RFLNA: variants seen among roughly 807,000 people sequenced by gnomAD.
The protein encoded by RFLNA is refilin-A.
RFLNA carries 5 observed loss-of-function variants against 7.8 expected under a neutral mutation model. That is an observed-to-expected ratio of 0.64 (90% CI 0.34 to 1.35). The LOEUF (loss-of-function observed/expected upper bound fraction) is 1.35. RFLNA is among the 40% of genes most tolerant of loss of function. RFLNA has a pLI of 0.04. For synonymous variants in RFLNA, 141 were observed against 131.3 expected (o/e 1.07, Z -0.50); for missense variants, 278 against 305.5 (o/e 0.91, Z 0.67).
intron 1 of RFLNA, among the ~76,000 whole-genome samples, chr12:124,297,604 G>A: frequency 6.6e-6 from 1 of 152,186 alleles, no homozygotes; most frequent in East Asian, 1.9e-4. Context: ...GCTGTGCTGG[G>A]CTAGACCCAG....
At chr12:124,302,918 A>G (rs903227547) in intron 1 of RFLNA, among the ~76,000 whole-genome samples, 2 of 149,528 alleles carry the variant, frequency 1.3e-5, no homozygotes, top group African/African-American at 2.5e-5. Context: ...TTTCATAAGG[A>G]CGCCTCTCCC....
chr12:124,289,790 A>T lies in RFLNA; in HGVS notation c.-37+420A>T, dbSNP rs1334442692. On this transcript the variant is annotated intron_variant, in intron 1 of 2. Coordinates refer to the RFLNA transcript ENST00000324038. The surrounding 1 kb of genome is among the most constrained non-coding windows in gnomAD (Gnocchi z 5.0). ...GGACTGAGCAAGGGCACTGCGGAAA[A>T]GTCCCTCGGGTGAGACAGGCCACCG... 6.6e-6 allele frequency among the ~76,000 whole-genome samples: 1 copy of T among 152,190 alleles called. No homozygotes were observed. The highest frequency in any genetic ancestry group is 1.9e-4 in the East Asian group (1 of 5,190).
At chr12:124,309,225 C>T (rs931933878) in intron 1 of RFLNA, among the ~76,000 whole-genome samples, 2 of 152,108 alleles carry the variant, frequency 1.3e-5, no homozygotes, top group South Asian at 2.1e-4. Context: ...GATCACATCC[C>T]GAGTGGCACT....
intron 1 of RFLNA, among the ~76,000 whole-genome samples, chr12:124,296,893 A>T (rs2033938960): frequency 6.6e-6 from 1 of 152,222 alleles, no homozygotes; most frequent in African/African-American, 2.4e-5. Flanking sequence ...TCACTATCTT[A>T]GACCAAATCA....
chr12:124,314,572 G>T lies in RFLNA; in HGVS notation c.*47G>T, dbSNP rs749679529. 6.5e-7 allele frequency: 1 copy of T among 1,531,674 alleles called. No homozygotes were observed. The highest frequency in any genetic ancestry group is 1.2e-5 in the South Asian group (1 of 84,858). The allele number at this position is 1,531,674 out of a possible 1,614,324, so 94.9% of individuals were successfully genotyped here. A position where few individuals can be genotyped will look rare whatever the true frequency, so the allele number is the denominator to read the frequency against. ...GTGCTGGAGGAGCCGGGAGCCCTGG[G>T]GAGAAGCCGGGAGGATGGACACGAT... On this transcript the variant is annotated 3_prime_UTR_variant, in exon 3 of 3. Transcript: ENST00000546355.
At position 124,295,481 on chromosome 12, in the gene RFLNA, G is replaced by A. The variant is rs2033890613; in HGVS notation, c.52G>A (p.Gly18Ser). 7.9e-7 allele frequency: 1 copy of A among 1,267,130 alleles called. No individual in the cohort carries two copies. The allele number at this position is 1,267,130 out of a possible 1,614,324, so 78.5% of individuals were successfully genotyped here. The change falls in exon 1 of 3, where the codon GGC becomes AGC. Residue 18 changes from glycine to serine, a missense_variant. Gly to Ser is a moderately conservative substitution (Grantham distance 56). Coordinates refer to ENST00000546355, the MANE Select transcript of RFLNA (RefSeq NM_001365156.1). ...CATGGAGGACAGCCTGAAGGAGCAGGGCCGGGAGGGCTTGCTGGACAGCCC... is the reference window on the plus strand; with the variant it reads ...CATGGAGGACAGCCTGAAGGAGCAGAGCCGGGAGGGCTTGCTGGACAGCCC... Reference protein sequence around the residue: ...QGMEDSLKEQGREGLLDSPDS... With the variant: ...QGMEDSLKEQSREGLLDSPDS...
intron 1 of RFLNA, among the ~76,000 whole-genome samples, chr12:124,307,107 C>A (rs1164617727): frequency 6.6e-6 from 1 of 152,206 alleles, no homozygotes; most frequent in Non-Finnish European, 1.5e-5. Context: ...GCAGACCGTG[C>A]CTCCCCATCC....
intron 2 of RFLNA, among the ~76,000 whole-genome samples, 153 bp from the exon 3 acceptor site, chr12:124,314,036 CCTT>C (rs113175048): frequency 0.092 from 14,038 of 152,222 alleles, 752 homozygotes; most frequent in African/African-American, 0.15. Flanking sequence ...GTCCCTCAGT[CCTT>C]CTTTGACCTT....
At chr12:124,291,682 T>C (rs1053885910), upstream of RFLNA, among the ~76,000 whole-genome samples, 1 of 152,090 alleles carries the variant, frequency 6.6e-6, no homozygotes, top group Non-Finnish European at 1.5e-5. Flanking sequence ...TCAATGCTGC[T>C]TGGAACAAGT....
At chr12:124,296,160 TC>T (rs1387661347) in intron 1 of RFLNA, among the ~76,000 whole-genome samples, 1 of 3,134 alleles carries the variant, frequency 3.2e-4, no homozygotes, top group Non-Finnish European at 0.01. Context: ...TCTTCTCTTC[TC>T]TTCTCTTCTC....
chr12:124,297,969 C>G (rs2033960577), intron 1 of RFLNA, among the ~76,000 whole-genome samples: 1 of 152,254 alleles, frequency 6.6e-6, no homozygotes, highest in Non-Finnish European at 1.5e-5. Flanking sequence ...CATACTGTCT[C>G]AGGACAAAGA....
At position 124,314,816 on chromosome 12, in the gene RFLNA, G is replaced by C; in HGVS notation, c.*291G>C. The stretch of plus-strand genomic sequence containing the variant: ...ACTGTTAGGTGGTGGCCACCCCCAG[G>C]GTCAGGGGAAAAGAATGGGTCCATG... On this transcript the variant is annotated 3_prime_UTR_variant, in exon 3 of 3. Coordinates refer to ENST00000546355, the MANE Select transcript of RFLNA (RefSeq NM_001365156.1). The C allele has an allele frequency of 1.6e-6, 1 of 618,718 alleles. No individual in the cohort carries two copies. The highest frequency in any genetic ancestry group is 3.0e-6 in the Non-Finnish European group (1 of 331,640). The allele number at this position is 618,718 out of a possible 1,614,324, so 38.3% of individuals were successfully genotyped here. A position where few individuals can be genotyped will look rare whatever the true frequency, so the allele number is the denominator to read the frequency against.
chr12:124,296,143 TCTCTTCTCTTCTCTTCTCTTCTC>T (rs1566320217), intron 1 of RFLNA, among the ~76,000 whole-genome samples: 977 of 3,762 alleles, frequency 0.26, 415 homozygotes, highest in Middle Eastern at 0.83. Flanking sequence ...TCTCTCTTCT[TCTCTTCTCTTCTCTTCTCTTCTC>T]TTCTCTTCTC....
At chr12:124,294,180 C>CGCCCCT (rs2033864681), upstream of RFLNA, among the ~76,000 whole-genome samples, 1 of 152,196 alleles carries the variant, frequency 6.6e-6, no homozygotes, top group Admixed American at 6.5e-5. Context: ...CCCGGCTTCC[C>CGCCCCT]GCCCCTGATC....
chr12:124,295,260 C>A lies in RFLNA; in HGVS notation c.-170C>A. The A allele has an allele frequency of 5.9e-6, 1 of 169,778 alleles. No individual in the cohort carries two copies. The highest frequency in any genetic ancestry group is 1.2e-5 in the Non-Finnish European group (1 of 84,804). The allele number at this position is 169,778 out of a possible 1,614,324, so 10.5% of individuals were successfully genotyped here. On this transcript the variant is annotated 5_prime_UTR_variant, in exon 1 of 3. Coordinates refer to ENST00000546355, the MANE Select transcript of RFLNA (RefSeq NM_001365156.1). The stretch of plus-strand genomic sequence containing the variant: ...CCCACGGCGGCGAGCAGGCTGCAGG[C>A]CCGCGGGGATCCGGGGCGCGGGGGG...
chr12:124,305,774 C>T (rs1185438681), intron 1 of RFLNA, among the ~76,000 whole-genome samples: 6 of 152,216 alleles, frequency 3.9e-5, no homozygotes, highest in African/African-American at 1.4e-4. Context: ...CTGCAAAGTC[C>T]CTTTTGCAGA....
At chr12:124,305,210 C>CA (rs1239935757) in intron 1 of RFLNA, among the ~76,000 whole-genome samples, 1 of 152,198 alleles carries the variant, frequency 6.6e-6, no homozygotes, top group Non-Finnish European at 1.5e-5. Context: ...GAGGTACCTC[C>CA]ACCCCAGACC....
In RFLNA at chr12:124,314,355, G is replaced by A. The variant is rs1384271583; in HGVS notation, c.481G>A (p.Ala161Thr). The A allele has an allele frequency of 1.5e-5, 24 of 1,613,108 alleles. No homozygotes were observed. Among genetic ancestry groups the A allele is most frequent in the East Asian group, 2.2e-5 (1 of 44,890 alleles). ...GCTGACCCTGGAGCCACGCCCGCGC[G>A]CCCTGCGCTTCCGCAGCACCACCAT... Reference protein sequence around the residue: ...SQLTLEPRPRALRFRSTTIIF... With the variant: ...SQLTLEPRPRTLRFRSTTIIF... Residue 161 changes from alanine to threonine, a missense_variant, in exon 3 of 3, where the codon GCC becomes ACC. Ala to Thr is a moderately conservative substitution (Grantham distance 58). Coordinates refer to ENST00000546355, the MANE Select transcript of RFLNA (RefSeq NM_001365156.1).
chr12:124,299,184 C>T (rs1395078919), intron 1 of RFLNA, among the ~76,000 whole-genome samples: 1 of 152,230 alleles, frequency 6.6e-6, no homozygotes, highest in Non-Finnish European at 1.5e-5. Context: ...AGGAGGGTGC[C>T]CGTGCGGGAC....
Sources: allele counts gnomAD v4.1 joint callset (sites outside exome capture counted in the v4.1 genomes callset), GRCh38; gene constraint gnomAD v4.1.1; non-coding constraint Gnocchi (gnomAD v3.1); transcripts MANE v1.5; gene names NCBI Gene and HGNC (gene_info 2026-07-23, HGNC 2026-07-21).